TMEM74: variants seen among roughly 807,000 people sequenced by gnomAD.
TMEM74 encodes transmembrane protein 74.
Under a neutral mutation model 18.1 loss-of-function variants are expected in TMEM74, and 13 were observed. The observed-to-expected ratio is 0.72, with a 90% CI of 0.47 to 1.14. The LOEUF (loss-of-function observed/expected upper bound fraction) is 1.14, where lower values mean the gene tolerates loss of function less well. TMEM74 is among the 50% of genes most tolerant of loss of function. The probability of loss-of-function intolerance (pLI) is 0.00; values close to 1 mark genes in which losing one functional copy is unlikely to be tolerated. For synonymous variants in TMEM74, 159 were observed against 146.6 expected, an observed-to-expected ratio of 1.08 and a Z score of -0.61; for missense variants, 372 against 375.9, an observed-to-expected ratio of 0.99 and a Z score of 0.09.
intron 1 of TMEM74, among the ~76,000 whole-genome samples, chr8:108,727,998 G>T (rs1271158295): frequency 1.3e-5 from 2 of 152,190 alleles, no homozygotes; most frequent in Admixed American, 1.3e-4. Flanking sequence ...TTAAACACTG[G>T]AGTTAGCAAT....
intron 2 of TMEM74, among the ~76,000 whole-genome samples, chr8:108,622,724 A>C (rs1257695736): frequency 6.6e-6 from 1 of 152,136 alleles, no homozygotes; most frequent in Non-Finnish European, 1.5e-5. Flanking sequence ...TTAAAGGATA[A>C]AATTTTGAAA....
At chr8:108,630,999 C>T (rs191300619) in intron 2 of TMEM74, among the ~76,000 whole-genome samples, 5 of 151,980 alleles carry the variant, frequency 3.3e-5, no homozygotes, top group Non-Finnish European at 5.9e-5. Flanking sequence ...TCACTCATAC[C>T]GGGACCAAAT....
rs551847713 is a variant in TMEM74 at position 108,782,284 on chromosome 8, T to G, written c.*1897A>C. Among the ~76,000 whole-genome samples the G allele has an allele frequency of 1.8e-4, 27 of 152,260 alleles. No individual in the cohort carries two copies. In the South Asian group the frequency reaches 5.6e-3, roughly 32 times the overall value. ...AATGAGAGTCACAGTAAAACAAAGT[T>G]TGTTCAAAAAGCACAAAAATACAGC... is the stretch of plus-strand genomic sequence containing the variant. On this transcript the variant is annotated 3_prime_UTR_variant, in exon 2 of 2. Transcript: ENST00000297459.
At chr8:108,617,572 T>C (rs1214591096) in intron 2 of TMEM74, among the ~76,000 whole-genome samples, 6 of 152,082 alleles carry the variant, frequency 3.9e-5, no homozygotes, top group Non-Finnish European at 7.4e-5. Flanking sequence ...CTTGGTTTTA[T>C]AGGGAGTCAT....
At chr8:108,635,137 T>C (rs573141667) in intron 2 of TMEM74, among the ~76,000 whole-genome samples, 3 of 152,094 alleles carry the variant, frequency 2.0e-5, no homozygotes, top group African/African-American at 7.2e-5. Context: ...CTCTCCTGTA[T>C]CTGTTAAAAA....
intron 1 of TMEM74, among the ~76,000 whole-genome samples, chr8:108,740,019 A>T (rs1011669611): frequency 6.6e-6 from 1 of 152,184 alleles, no homozygotes; most frequent in Non-Finnish European, 1.5e-5. Flanking sequence ...TGGGGGTCAA[A>T]AGGGCAGGTG....
chr8:108,775,238 G>A (rs1485878638), downstream of TMEM74, among the ~76,000 whole-genome samples: 2 of 152,126 alleles, frequency 1.3e-5, no homozygotes, highest in East Asian at 3.9e-4. Flanking sequence ...CTTCTTTCTG[G>A]AAGGAATCAC....
intron 1 of TMEM74, among the ~76,000 whole-genome samples, chr8:108,786,596 C>T (rs1814388384): frequency 6.6e-6 from 1 of 152,132 alleles, no homozygotes; most frequent in Non-Finnish European, 1.5e-5. Context: ...CTCCTGTTAT[C>T]GGAGTTTCTC....
intron 2 of TMEM74, among the ~76,000 whole-genome samples, chr8:108,634,810 A>G (rs1475511492): frequency 6.6e-6 from 1 of 152,058 alleles, no homozygotes; most frequent in Non-Finnish European, 1.5e-5. Flanking sequence ...ACAGTAATGT[A>G]TTCACAGCAC....
chr8:108,643,210 A>T (rs536254039), intron 2 of TMEM74, among the ~76,000 whole-genome samples: 80 of 152,300 alleles, frequency 5.3e-4, no homozygotes, highest in African/African-American at 1.8e-3. Flanking sequence ...AAAGCTTTTT[A>T]AAAACACAGA....
intron 1 of TMEM74, among the ~76,000 whole-genome samples, chr8:108,685,585 G>C (rs1813159769): frequency 6.6e-6 from 1 of 152,116 alleles, no homozygotes; most frequent in African/African-American, 2.4e-5. Context: ...GAACATTAGT[G>C]TATTTTAATT....
intron 1 of TMEM74, among the ~76,000 whole-genome samples, chr8:108,698,476 T>A (rs1813302882): frequency 6.6e-6 from 1 of 152,334 alleles, no homozygotes; most frequent in African/African-American, 2.4e-5. Flanking sequence ...AATTCTCTGG[T>A]ATATCATGAG....
Position 108,783,313 on chromosome 8 carries a change from T to C in TMEM74, c.*868A>G, listed in dbSNP as rs1304959361. Among the ~76,000 whole-genome samples the C allele has an allele frequency of 6.6e-6, 1 of 152,192 alleles. No individual in the cohort carries two copies. The highest frequency in any genetic ancestry group is 1.9e-4 in the East Asian group (1 of 5,194). On this transcript the variant is annotated 3_prime_UTR_variant, in exon 2 of 2. Coordinates refer to ENST00000297459, the MANE Select transcript of TMEM74 (RefSeq NM_153015.3). ...CATGACTCAGGCCTGTCTAGATGTT[T>C]AGATGTCTGGAAATATATTTAAAAT...
Position 108,781,278 on chromosome 8 carries a change from A to G in TMEM74, c.*2903T>C, listed in dbSNP as rs1450994054. 1.3e-5 allele frequency among the ~76,000 whole-genome samples: 2 copies of G among 152,230 alleles called. No individual in the cohort carries two copies. Among genetic ancestry groups the G allele is most frequent in the Non-Finnish European group, 2.9e-5 (2 of 68,038 alleles). On this transcript the variant is annotated 3_prime_UTR_variant, in exon 2 of 2. Coordinates refer to ENST00000297459, the MANE Select transcript of TMEM74 (RefSeq NM_153015.3). ...GACGGAAGGTCACAAATCTCCATGAAGGATGCAAGACCAAAACTATAGGTA... is the reference window on the plus strand; with the variant it reads ...GACGGAAGGTCACAAATCTCCATGAGGGATGCAAGACCAAAACTATAGGTA...
chr8:108,637,126 C>A (rs1014163275), intron 2 of TMEM74, among the ~76,000 whole-genome samples: 1 of 152,066 alleles, frequency 6.6e-6, no homozygotes, highest in Non-Finnish European at 1.5e-5. Context: ...ATTATATTCT[C>A]TAATTTGAGG....
Position 108,615,657 on chromosome 8 carries a change from G to A in TMEM74, n.265-6831C>T, listed in dbSNP as rs73699871. ...GAAGAAGAAAACAGAATTCTGTAGA[G>A]AGAGAAGTTGAAACGTGATGTTCAT... On this transcript the variant is annotated intron_variant and non_coding_transcript_variant, in intron 2 of 3. Coordinates refer to the TMEM74 transcript ENST00000518838. 9.2e-3 allele frequency among the ~76,000 whole-genome samples: 1,406 copies of A among 152,180 alleles called. 29 individuals carry two copies. The highest frequency in any genetic ancestry group is 0.032 in the African/African-American group (1,348 of 41,518).
intron 1 of TMEM74, among the ~76,000 whole-genome samples, chr8:108,673,460 G>A (rs985340252): frequency 6.6e-6 from 1 of 152,140 alleles, no homozygotes; most frequent in African/African-American, 2.4e-5. Flanking sequence ...TTTGAGCCCA[G>A]GCTCTAACTA....
intron 1 of TMEM74, among the ~76,000 whole-genome samples, chr8:108,703,970 T>C (rs1439742288): frequency 6.6e-6 from 1 of 152,212 alleles, no homozygotes; most frequent in Non-Finnish European, 1.5e-5. Context: ...TTGGTTCCCC[T>C]ACTGTGAATA....
chr8:108,756,798 G>A (rs915462802), intron 1 of TMEM74, among the ~76,000 whole-genome samples: 8 of 123,088 alleles, frequency 6.5e-5, no homozygotes, highest in African/African-American at 1.8e-4. Flanking sequence ...GAGGGAAGGG[G>A]AGGAAGGAAG....
Sources: allele counts gnomAD v4.1 joint callset (sites outside exome capture counted in the v4.1 genomes callset), GRCh38; gene constraint gnomAD v4.1.1; transcripts MANE v1.5; gene names NCBI Gene and HGNC (gene_info 2026-07-23, HGNC 2026-07-21).